Variants in CNTNAP5 observed in about 807,000 individuals in gnomAD.
CNTNAP5 encodes the protein contactin-associated protein-like 5.
CNTNAP5 carries 72 observed loss-of-function variants against 150.2 expected under a neutral mutation model. That is an observed-to-expected ratio of 0.48 (90% CI 0.40 to 0.58). The LOEUF is 0.58. Ranked by LOEUF, CNTNAP5 falls within the 20% of genes least tolerant of loss-of-function variation. The probability of loss-of-function intolerance (pLI) is 0.00; values close to 1 mark genes in which losing one functional copy is unlikely to be tolerated. For synonymous variants in CNTNAP5, 672 were observed against 619.8 expected (o/e 1.08, Z -1.25); for missense variants, 1,636 against 1,626.2 (o/e 1.01, Z -0.10).
At chr2:124,661,982 C>G (rs1321284429) in intron 13 of CNTNAP5, among the ~76,000 whole-genome samples, 1 of 152,044 alleles carries the variant, frequency 6.6e-6, no homozygotes, top group Non-Finnish European at 1.5e-5. Context: ...GGTATTTCTC[C>G]TAATGCTATC....
intron 3 of CNTNAP5, among the ~76,000 whole-genome samples, chr2:124,293,120 T>C (rs1688341154): frequency 6.6e-6 from 1 of 152,052 alleles, no homozygotes; most frequent in African/African-American, 2.4e-5. Flanking sequence ...AGTCAGTTTG[T>C]GATTCAGCAA....
intron 3 of CNTNAP5, among the ~76,000 whole-genome samples, chr2:124,327,620 C>T (rs1689251369): frequency 6.6e-6 from 1 of 152,222 alleles, no homozygotes; most frequent in Non-Finnish European, 1.5e-5. Context: ...TTGGTCTCCA[C>T]AACTCCTTAT....
intron 19 of CNTNAP5, among the ~76,000 whole-genome samples, chr2:124,817,177 A>G (rs954836202): frequency 9.9e-5 from 15 of 152,244 alleles, no homozygotes; most frequent in African/African-American, 3.6e-4. Flanking sequence ...CACATTCTCT[A>G]TACATTCATT....
At chr2:124,334,126 A>C (rs1362156844) in intron 3 of CNTNAP5, among the ~76,000 whole-genome samples, 1 of 152,086 alleles carries the variant, frequency 6.6e-6, no homozygotes, top group Non-Finnish European at 1.5e-5. Flanking sequence ...GGAGCCCAAA[A>C]ATGCGTTGTG....
At chr2:124,295,439 G>T (rs1349080096) in intron 3 of CNTNAP5, among the ~76,000 whole-genome samples, 2 of 152,198 alleles carry the variant, frequency 1.3e-5, no homozygotes, top group Non-Finnish European at 2.9e-5. Flanking sequence ...TTTGAGAAAT[G>T]AGTTAATTTT....
At chr2:124,857,522 A>G (rs185760312) in intron 19 of CNTNAP5, among the ~76,000 whole-genome samples, 1 of 152,088 alleles carries the variant, frequency 6.6e-6, no homozygotes, top group African/African-American at 2.4e-5. Context: ...GGGATTTTCA[A>G]GATACGTATA....
chr2:124,342,515 G>C lies in CNTNAP5; in HGVS notation c.382-74928G>C, dbSNP rs1379483383. Among the ~76,000 whole-genome samples, 3 of 152,088 alleles carry C rather than the reference G, an allele frequency of 2.0e-5. No individual in the cohort carries two copies. The South Asian group carries it at 6.2e-4, about 32-fold the overall frequency. On this transcript the variant is annotated intron_variant, in intron 3 of 23. Coordinates refer to ENST00000682447, the MANE Select transcript of CNTNAP5 (RefSeq NM_001367498.1). ...AAGTCAAATTCATTTCCTTAAAATG[G>C]TCAGATTATATCTGAAAGTTAGACT...
chr2:124,683,291 A>T (rs746721870), intron 13 of CNTNAP5, among the ~76,000 whole-genome samples: 9 of 152,186 alleles, frequency 5.9e-5, no homozygotes, highest in Middle Eastern at 3.2e-3. Context: ...AAGTAATTTC[A>T]TGACTTATTT....
intron 3 of CNTNAP5, among the ~76,000 whole-genome samples, chr2:124,342,254 G>C (rs904728225): frequency 2.0e-5 from 3 of 151,986 alleles, no homozygotes; most frequent in Admixed American, 2.0e-4. Context: ...CTCAAATTAG[G>C]CTTTTAAAAG....
intron 3 of CNTNAP5, among the ~76,000 whole-genome samples, chr2:124,298,233 T>G (rs1688488973): frequency 6.6e-6 from 1 of 152,190 alleles, no homozygotes; most frequent in African/African-American, 2.4e-5. Flanking sequence ...CATGGAGGTT[T>G]GTTATACAGA....
Position 124,865,317 on chromosome 2 carries a change from G to T in CNTNAP5, c.3229G>T (p.Val1077Phe), listed in dbSNP as rs1380789937. 3.2e-6 allele frequency: 5 copies of T among 1,562,238 alleles called. No homozygotes were observed. Among genetic ancestry groups the T allele is most frequent in the Non-Finnish European group, 3.5e-6 (4 of 1,151,898 alleles). ...ATTTTTCTTTCAAGGAAGCTTACAG[G>T]TTCGCTATCACCTAAACAAGGAAGA... ...VLLCKNGSLQ[V>F]RYHLNKEETH... Residue 1077 changes from valine (V) to phenylalanine (F), a missense_variant, in exon 20 of 24, where the codon GTT becomes TTT. Coordinates refer to ENST00000682447, the MANE Select transcript of CNTNAP5 (RefSeq NM_001367498.1).
At chr2:124,617,034 C>G (rs1337001321) in intron 12 of CNTNAP5, among the ~76,000 whole-genome samples, 1 of 151,720 alleles carries the variant, frequency 6.6e-6, no homozygotes, top group Non-Finnish European at 1.5e-5. Context: ...GTGGCTCTTG[C>G]CAATGTTCAG....
At chr2:124,723,644 G>A (rs1025406273) in intron 13 of CNTNAP5, among the ~76,000 whole-genome samples, 4 of 152,090 alleles carry the variant, frequency 2.6e-5, no homozygotes, top group African/African-American at 9.7e-5. Context: ...AAAGTTAGAG[G>A]TCCAGGATCA....
intron 3 of CNTNAP5, among the ~76,000 whole-genome samples, chr2:124,358,281 T>A (rs1237687179): frequency 3.3e-5 from 5 of 151,922 alleles, no homozygotes; most frequent in African/African-American, 9.7e-5. Flanking sequence ...TTTTCCTAAT[T>A]GAATACCCTT....
At chr2:124,294,390 A>G (rs1197992545) in intron 3 of CNTNAP5, among the ~76,000 whole-genome samples, 2 of 152,194 alleles carry the variant, frequency 1.3e-5, no homozygotes, top group African/African-American at 2.4e-5. Context: ...CTGGAGTTCA[A>G]TGTAAACATA....
chr2:124,244,341 A>G (rs1255410110), intron 3 of CNTNAP5, among the ~76,000 whole-genome samples: 1 of 152,096 alleles, frequency 6.6e-6, no homozygotes, highest in East Asian at 1.9e-4. Context: ...CATGGCAGGA[A>G]CTTATTTTGG....
intron 3 of CNTNAP5, among the ~76,000 whole-genome samples, chr2:124,411,233 T>C (rs549917209): frequency 1.3e-5 from 2 of 152,236 alleles, no homozygotes; most frequent in African/African-American, 4.8e-5. Flanking sequence ...GTGGCAATAA[T>C]CAATAGTTTA....
chr2:124,882,848 T>C (rs1166738945), intron 21 of CNTNAP5, among the ~76,000 whole-genome samples: 2 of 151,978 alleles, frequency 1.3e-5, no homozygotes, highest in East Asian at 3.9e-4. Context: ...AGGCACATCT[T>C]ACATGGAGGC....
At chr2:124,090,035 G>T (rs1682779095) in intron 1 of CNTNAP5, among the ~76,000 whole-genome samples, 1 of 152,126 alleles carries the variant, frequency 6.6e-6, no homozygotes, top group African/African-American at 2.4e-5. Flanking sequence ...TATATTCCTG[G>T]CACCAGAATT....
Sources: allele counts gnomAD v4.1 joint callset (sites outside exome capture counted in the v4.1 genomes callset), GRCh38; gene constraint gnomAD v4.1.1; transcripts MANE v1.5; gene names NCBI Gene and HGNC (gene_info 2026-07-23, HGNC 2026-07-21).